DMD: variants seen among roughly 807,000 people sequenced by gnomAD.
DMD encodes the protein dystrophin.
DMD carries 63 observed loss-of-function variants against 330.1 expected under a neutral mutation model. The observed-to-expected ratio is 0.19, with a 90% CI of 0.16 to 0.24. DMD has a LOEUF of 0.24. DMD is among the 10% of genes least tolerant of loss of function. The pLI, the probability that DMD is intolerant of heterozygous loss-of-function variation, is 1.00. For synonymous variants in DMD, 1,223 were observed against 959.8 expected (o/e 1.27, Z -5.07); for missense variants, 3,344 against 2,684.1 (o/e 1.25, Z -5.43).
At position 33,188,680 on chromosome X, in the gene DMD, C is replaced by T. The variant is rs2050380689; in HGVS notation, c.31+22602G>A. Among the ~76,000 whole-genome samples, 3 of 111,921 alleles carry T rather than the reference C, an allele frequency of 2.7e-5. No homozygotes were observed. The South Asian group carries it at 1.1e-3, about 42-fold the overall frequency. ...CAAAGCTGTTTTATTTGACAGGGCTCCTTGTTATGGGCTAAATTGCCCCTT... is the reference window on the plus strand; with the variant it reads ...CAAAGCTGTTTTATTTGACAGGGCTTCTTGTTATGGGCTAAATTGCCCCTT... On this transcript the variant is annotated intron_variant, in intron 1 of 78. Transcript: ENST00000357033.
chrX:31,965,705 C>T (rs745397530), intron 45 of DMD, among the ~76,000 whole-genome samples: 1 of 111,669 alleles, frequency 9.0e-6, no homozygotes, highest in African/African-American at 3.2e-5. Flanking sequence ...TTTATTTGCA[C>T]CTCCTTCGTG....
intron 17 of DMD, among the ~76,000 whole-genome samples, chrX:32,533,630 A>G (rs567418176): frequency 8.9e-6 from 1 of 112,402 alleles, no homozygotes; most frequent in Non-Finnish European, 1.9e-5. Context: ...TTAGATTTAC[A>G]GTTAAAGTAA....
intron 44 of DMD, among the ~76,000 whole-genome samples, chrX:31,994,562 T>G (rs1420175959): frequency 9.0e-6 from 1 of 111,607 alleles, no homozygotes; most frequent in African/African-American, 3.3e-5. Context: ...GCAAGAGGCC[T>G]TCTTTTCGCA....
chrX:32,491,061 C>T (rs1015082845), intron 20 of DMD, among the ~76,000 whole-genome samples: 1 of 112,628 alleles, frequency 8.9e-6, no homozygotes, highest in East Asian at 2.8e-4. Context: ...TCAATTAGCG[C>T]TGTGTAACTA....
chrX:31,922,699 A>C (rs1166485077), intron 47 of DMD, among the ~76,000 whole-genome samples: 1 of 111,614 alleles, frequency 9.0e-6, no homozygotes, highest in African/African-American at 3.3e-5. Context: ...TGGTCATAAA[A>C]GTCTTCTTCT....
At chrX:31,545,629 G>T (rs1018509305) in intron 55 of DMD, among the ~76,000 whole-genome samples, 30 of 112,219 alleles carry the variant, frequency 2.7e-4, no homozygotes, top group African/African-American at 9.4e-4. Flanking sequence ...GTGAGAATGG[G>T]CATTTGTGAT....
At chrX:31,977,774 G>C (rs1242982998) in intron 44 of DMD, among the ~76,000 whole-genome samples, 3 of 89,076 alleles carry the variant, frequency 3.4e-5, no homozygotes, top group African/African-American at 1.3e-4. Context: ...GACTGGGCAC[G>C]CCCTCTGCAA....
At chrX:31,768,384 T>C (rs2090132292) in intron 51 of DMD, among the ~76,000 whole-genome samples, 1 of 110,151 alleles carries the variant, frequency 9.1e-6, no homozygotes, top group Non-Finnish European at 1.9e-5. Context: ...TTGTCCTCTT[T>C]AATATTCCTT....
intron 49 of DMD, among the ~76,000 whole-genome samples, chrX:31,832,067 T>C (rs1228185948): frequency 8.9e-6 from 1 of 112,373 alleles, no homozygotes; most frequent in Non-Finnish European, 1.9e-5. Context: ...AATAGACTTG[T>C]TCATTTCAGG....
intron 11 of DMD, among the ~76,000 whole-genome samples, chrX:32,636,916 T>A (rs1432864590): frequency 9.1e-6 from 1 of 109,685 alleles, no homozygotes; most frequent in African/African-American, 3.3e-5. Flanking sequence ...GAGAATGGCG[T>A]GAACCCGGGG....
intron 2 of DMD, among the ~76,000 whole-genome samples, chrX:32,903,144 CAAAAAAAAAA>C (rs34973696): frequency 3.0e-5 from 1 of 32,990 alleles, no homozygotes; most frequent in Non-Finnish European, 4.8e-5. Context: ...GACTCAGTCT[CAAAAAAAAAA>C]AAAAAAAAAA....
intron 44 of DMD, among the ~76,000 whole-genome samples, chrX:32,092,360 G>C: frequency 8.9e-6 from 1 of 111,837 alleles, no homozygotes. Flanking sequence ...GGACACTTCA[G>C]ACAAGGCCCC....
intron 44 of DMD, among the ~76,000 whole-genome samples, chrX:32,169,552 A>G (rs2096879905): frequency 8.9e-6 from 1 of 111,892 alleles, no homozygotes; most frequent in South Asian, 3.7e-4. Flanking sequence ...AGGTTTCTAG[A>G]CATACATATA....
intron 2 of DMD, among the ~76,000 whole-genome samples, chrX:32,898,559 T>A (rs2085938841): frequency 8.9e-6 from 1 of 112,441 alleles, no homozygotes; most frequent in Non-Finnish European, 1.9e-5. Context: ...TATCCATTTA[T>A]ACCCACTTTC....
At chrX:32,076,915 G>A (rs778167698) in intron 44 of DMD, among the ~76,000 whole-genome samples, 2 of 111,339 alleles carry the variant, frequency 1.8e-5, no homozygotes, top group African/African-American at 3.3e-5. Context: ...GTAGGGAAGA[G>A]CAGGAACAAG....
chrX:32,148,777 A>T lies in DMD; in HGVS notation c.6438+68139T>A, dbSNP rs139461107. On this transcript the variant is annotated intron_variant, in intron 44 of 78. Coordinates refer to ENST00000357033, the MANE Select transcript of DMD (RefSeq NM_004006.3). ...ATATTTTGAAATGAAATTTATGTAT[A>T]TCACTGGTGATAACTTGTACTCATT... 8.3e-3 allele frequency among the ~76,000 whole-genome samples: 922 copies of T among 111,733 alleles called. 19 individuals carry two copies. The highest frequency in any genetic ancestry group is 0.028 in the African/African-American group (857 of 30,842).
At chrX:32,628,258 ATTTTTTTTTTTTTTTTTTT>A (rs1170760390) in intron 11 of DMD, among the ~76,000 whole-genome samples, 25 of 15,354 alleles carry the variant, frequency 1.6e-3, no homozygotes, top group South Asian at 4.1e-3. Flanking sequence ...AGTTGTTTTA[ATTTTTTTTTTTTTTTTTTT>A]TTTTTTTTTT....
At chrX:32,292,466 C>T (rs1378270524) in intron 42 of DMD, among the ~76,000 whole-genome samples, 1 of 107,771 alleles carries the variant, frequency 9.3e-6, no homozygotes, top group Non-Finnish European at 1.9e-5. Context: ...CACCACCACG[C>T]CTGGCTAATT....
chrX:33,064,820 C>A (rs781287688), intron 1 of DMD, among the ~76,000 whole-genome samples: 1 of 110,939 alleles, frequency 9.0e-6, no homozygotes, highest in South Asian at 3.8e-4. Flanking sequence ...ACTTCAGAGG[C>A]GGAGGTTGCA....
Sources: gnomAD v4.1 joint callset for allele counts (sites outside exome capture counted in the v4.1 genomes callset) on GRCh38, gnomAD v4.1.1 for gene constraint, MANE v1.5 for transcripts, NCBI Gene and HGNC (gene_info 2026-07-23, HGNC 2026-07-21) for gene names.